The following KIF26A variants were observed in gnomAD, a reference collection of about 807,000 sequenced individuals.
KIF26A encodes the protein kinesin family member 26A.
Under a neutral mutation model 126.0 loss-of-function variants are expected in KIF26A, and 74 were observed. The ratio of observed to expected loss-of-function variants is 0.59; its 90% CI spans 0.49 to 0.71. KIF26A has a LOEUF of 0.71. Ranked by LOEUF, KIF26A falls within the 30% of genes least tolerant of loss-of-function variation. The pLI, the probability that KIF26A is intolerant of heterozygous loss-of-function variation, is 0.00. For missense variants in KIF26A, 2,984 were observed against 2,763.3 expected (o/e 1.08, Z -1.79); for synonymous variants, 1,445 against 1,232.7 (o/e 1.17, Z -3.61).
At chr14:104,167,135 TG>T in intron 5 of KIF26A, 87 bp downstream of exon 5, 1 of 1,310,962 alleles carries the variant, frequency 7.6e-7, no homozygotes, top group Non-Finnish European at 1.0e-6. Flanking sequence ...GTGGAGGGGC[TG>T]CCACTTCCTT....
rs1473051594 is a variant in KIF26A at position 104,148,531 on chromosome 14, C to T, written c.289-3484C>T. Among the ~76,000 whole-genome samples the T allele has an allele frequency of 2.6e-5, 4 of 151,896 alleles. No individual in the cohort carries two copies. The highest frequency in any genetic ancestry group is 6.6e-5 in the Admixed American group (1 of 15,258). On this transcript the variant is annotated intron_variant, in intron 2 of 14. Transcript: ENST00000423312. This position sits in a 1 kb window ranked among gnomAD's most constrained non-coding sequence, Gnocchi z 4.3. The stretch of plus-strand genomic sequence containing the variant: ...GTTGGGGGCTTGGGCCAGAGGACCC[C>T]GTGAGCTGCCGGGATGGCTGGGAGA...
chr14:104,179,103 C>G (rs2038070948), intron 13 of KIF26A, 133 bp from the exon 14 acceptor site: 6 of 1,096,788 alleles, frequency 5.5e-6, no homozygotes, highest in South Asian at 3.8e-5. Context: ...CCGCCCCCTG[C>G]CCGCCCTTGG....
At position 104,148,640 on chromosome 14, in the gene KIF26A, G is replaced by T. The variant is rs977312140; in HGVS notation, c.289-3375G>T. Among the ~76,000 whole-genome samples, 2 of 150,804 alleles carry T rather than the reference G, an allele frequency of 1.3e-5. No individual in the cohort carries two copies. Among genetic ancestry groups the T allele is most frequent in the South Asian group, 4.2e-4 (2 of 4,730 alleles). ...CAGAGCAGGATTTGTTGTTGTTGGC[G>T]GTGGGGGCTGTGCGTGGCCGGGGAG... On this transcript the variant is annotated intron_variant, in intron 2 of 14. Transcript: ENST00000423312. This position sits in a 1 kb window ranked among gnomAD's most constrained non-coding sequence, Gnocchi z 4.3.
Position 104,177,302 on chromosome 14 carries a change from C to T in KIF26A, c.4514C>T (p.Ala1505Val). Residue 1505 changes from alanine to valine, a missense_variant, in exon 12 of 15, where the codon GCT (alanine) becomes GTT (valine). Transcript: ENST00000423312. ...GGAGGCAAGGGCCGTGGCCTAGTGG[C>T]TGGTGGGTCGCGGGCTCTGGGGCCT... is the stretch of plus-strand genomic sequence containing the variant. ...VGGGKGRGLV[A>V]GGSRALGPSV... The T allele has an allele frequency of 6.4e-7, 1 of 1,564,976 alleles. No homozygotes were observed. Among genetic ancestry groups the T allele is most frequent in the Non-Finnish European group, 8.6e-7 (1 of 1,159,314 alleles).
At chr14:104,163,065 C>T (rs189752229) in intron 4 of KIF26A, among the ~76,000 whole-genome samples, 54 of 152,252 alleles carry the variant, frequency 3.5e-4, no homozygotes, top group African/African-American at 1.2e-3. Context: ...AGGCAGCTGG[C>T]GGGAAGCTGA....
chr14:104,179,777 A>G lies in KIF26A; in HGVS notation c.5636A>G (p.Glu1879Gly). 6.5e-7 allele frequency: 1 copy of G among 1,539,872 alleles called. No homozygotes were observed. The highest frequency in any genetic ancestry group is 1.2e-5 in the South Asian group (1 of 81,744). Residue 1879 changes from glutamate to glycine, a missense_variant, in exon 15 of 15, where the codon GAG (glutamate) becomes GGG (glycine). By Grantham distance (98) the Glu-to-Gly change is moderately conservative. Transcript: ENST00000423312. ...AASAAIPGPQEVDV is the reference protein window; with the variant it reads ...AASAAIPGPQGVDV ...AGTGCTGCCATCCCGGGGCCGCAGG[A>G]GGTGGACGTCTGAGGCTGGGCGCCG... is the stretch of plus-strand genomic sequence containing the variant.
chr14:104,167,060 C>A lies in KIF26A; in HGVS notation c.1113+12C>A. ...GCAGCATCGGGAAGGTAGACGCAGC[C>A]CCGAGTTCGGGGCCCTGGGTGGGGA... On this transcript the variant is annotated intron_variant, in intron 5 of 14. Transcript: ENST00000423312. 2 of 1,520,270 alleles carry A rather than the reference C, an allele frequency of 1.3e-6. No homozygotes were observed. The highest frequency in any genetic ancestry group is 1.8e-6 in the Non-Finnish European group (2 of 1,131,620). The allele number at this position is 1,520,270 out of a possible 1,614,324, so 94.2% of individuals were successfully genotyped here. A position where few individuals can be genotyped will look rare whatever the true frequency, so the allele number is the denominator to read the frequency against.
intron 4 of KIF26A, among the ~76,000 whole-genome samples, chr14:104,165,161 ATC>A (rs1368753763): frequency 2.1e-5 from 3 of 145,990 alleles, no homozygotes; most frequent in African/African-American, 7.6e-5. Context: ...GCATGTGTGT[ATC>A]TCTATGCATG....
chr14:104,175,758 G>A lies in KIF26A; in HGVS notation c.2970G>A (p.Gly990=). ...TGGGCATGAGTGGGCAGGTGGCTGG[G>A]TCCCCGATGCTTCCTGGGGCCACCT... ...PPVGMSGQVA[G]SPMLPGATCP... is the part of the protein sequence containing the mutation. Residue 990 remains glycine (G), a synonymous_variant, in exon 12 of 15, where the codon GGG becomes GGA. Coordinates refer to ENST00000423312, the MANE Select transcript of KIF26A (RefSeq NM_015656.2). 1 of 1,540,742 alleles carries A rather than the reference G, an allele frequency of 6.5e-7. No individual in the cohort carries two copies. The highest frequency in any genetic ancestry group is 1.2e-5 in the South Asian group (1 of 83,860).
intron 4 of KIF26A, among the ~76,000 whole-genome samples, chr14:104,163,644 C>T (rs529105598): frequency 1.3e-5 from 2 of 151,904 alleles, no homozygotes; most frequent in Non-Finnish European, 2.9e-5. Flanking sequence ...CCCTGTGTGG[C>T]TCAGCTACCA....
intron 6 of KIF26A, 70 bp downstream of exon 6, chr14:104,172,005 G>T (rs930574836): frequency 1.6e-5 from 23 of 1,400,788 alleles, no homozygotes; most frequent in Non-Finnish European, 2.3e-5. Flanking sequence ...ACATGGGTCC[G>T]ATCTGCGCCC....
intron 4 of KIF26A, among the ~76,000 whole-genome samples, chr14:104,163,856 C>T (rs928102902): frequency 5.9e-5 from 9 of 152,056 alleles, no homozygotes; most frequent in African/African-American, 9.6e-5. Flanking sequence ...CCCAAGTCCC[C>T]GAGGCGGCGG....
At chr14:104,143,179 T>C (rs2037651945) in intron 2 of KIF26A, among the ~76,000 whole-genome samples, 1 of 152,226 alleles carries the variant, frequency 6.6e-6, no homozygotes, top group Non-Finnish European at 1.5e-5. Context: ...GGCAGGGGCC[T>C]CATCCTTATG....
At position 104,138,634 on chromosome 14, in the gene KIF26A, G is replaced by C; in HGVS notation, c.-89G>C. On this transcript the variant is annotated 5_prime_UTR_variant, in exon 1 of 15. Transcript: ENST00000423312. ...CGAGCGGCTGGGCCGGGCCATGGGGGCGCCTCGGGGCCGGATCACGTAGCC... is the reference window on the plus strand; with the variant it reads ...CGAGCGGCTGGGCCGGGCCATGGGGCCGCCTCGGGGCCGGATCACGTAGCC... 9.6e-7 allele frequency: 1 copy of C among 1,046,654 alleles called. No homozygotes were observed. The highest frequency in any genetic ancestry group is 1.2e-6 in the Non-Finnish European group (1 of 827,770). 64.8% of individuals were successfully genotyped at this position (1,046,654 alleles called of 1,614,324 possible).
intron 4 of KIF26A, among the ~76,000 whole-genome samples, chr14:104,161,409 G>T (rs1029949845): frequency 3.3e-5 from 5 of 152,356 alleles, no homozygotes; most frequent in African/African-American, 7.2e-5. Context: ...GAACAGGCTC[G>T]TGTGTCTCCT....
rs1308080078 is a variant in KIF26A at position 104,148,704 on chromosome 14, C to T, written c.289-3311C>T. Among the ~76,000 whole-genome samples, 3 of 151,308 alleles carry T rather than the reference C, an allele frequency of 2.0e-5. No homozygotes were observed. The highest frequency in any genetic ancestry group is 6.6e-5 in the Admixed American group (1 of 15,220). On this transcript the variant is annotated intron_variant, in intron 2 of 14. Transcript: ENST00000423312. This position sits in a 1 kb window ranked among gnomAD's most constrained non-coding sequence, Gnocchi z 4.3. Reference sequence around the variant, plus strand: ...GGAGGGGCAGGGCTGCAGGGCTGGGCGGCTTTTGTCTCTCTGAGGGCTGCG... The same window carrying T: ...GGAGGGGCAGGGCTGCAGGGCTGGGTGGCTTTTGTCTCTCTGAGGGCTGCG...
In KIF26A at chr14:104,152,283, G is replaced by A. The variant is rs954003498; in HGVS notation, c.557G>A (p.Arg186Gln). 2 of 1,589,036 alleles carry A rather than the reference G, an allele frequency of 1.3e-6. No individual in the cohort carries two copies. Among genetic ancestry groups the A allele is most frequent in the Non-Finnish European group, 1.7e-6 (2 of 1,170,074 alleles). ...GGTCCTGCAGGGAGGCAGCCAGGAC[G>A]AGCTGGGCCAGACAGGACCAAGGGG... ...PAGPAGRQPGRAGPDRTKGLA... is the reference protein window; with the variant it reads ...PAGPAGRQPGQAGPDRTKGLA... Residue 186 changes from arginine (R) to glutamine (Q), a missense_variant, in exon 3 of 15, where the codon CGA becomes CAA. Arg to Gln is a conservative substitution (Grantham distance 43, BLOSUM62 1). Transcript: ENST00000423312. This position sits in a 1 kb window ranked among gnomAD's most constrained non-coding sequence, Gnocchi z 5.9.
intron 5 of KIF26A, among the ~76,000 whole-genome samples, chr14:104,167,444 G>A (rs552752991): frequency 4.4e-4 from 67 of 152,214 alleles, no homozygotes; most frequent in South Asian, 1.2e-3. Context: ...CAGAGTCACC[G>A]TGTGCAGGCG....
chr14:104,165,201 G>C (rs111074453), intron 4 of KIF26A, among the ~76,000 whole-genome samples: 1 of 128,674 alleles, frequency 7.8e-6, no homozygotes, highest in Non-Finnish European at 1.6e-5. Context: ...GCATGTGTGT[G>C]TCTGTGTCTC....
Sources: gnomAD v4.1 joint callset for allele counts (sites outside exome capture counted in the v4.1 genomes callset) on GRCh38, gnomAD v4.1.1 for gene constraint, Gnocchi (gnomAD v3.1) non-coding constraint, MANE v1.5 for transcripts, NCBI Gene and HGNC (gene_info 2026-07-23, HGNC 2026-07-21) for gene names.